The following PTPRD variants were observed in gnomAD, a reference collection of about 807,000 sequenced individuals.
PTPRD encodes receptor-type tyrosine-protein phosphatase delta.
PTPRD carries 34 observed loss-of-function variants against 214.5 expected under a neutral mutation model. The ratio of observed to expected loss-of-function variants is 0.16; its 90% CI spans 0.12 to 0.21. The LOEUF is 0.21. Among genes scored for constraint, PTPRD ranks in the 10% least tolerant of loss-of-function variants. PTPRD has a pLI of 1.00. For missense variants in PTPRD, 2,545 were observed against 2,398.7 expected (o/e 1.06, Z -1.27); for synonymous variants, 1,128 against 845.7 (o/e 1.33, Z -5.79).
intron 5 of PTPRD, among the ~76,000 whole-genome samples, chr9:9,907,449 T>C (rs10978076): frequency 0.076 from 11,514 of 151,906 alleles, 525 homozygotes; most frequent in Non-Finnish European, 0.1. Context: ...GAGGCCTCCC[T>C]TTCTCCACGG....
intron 11 of PTPRD, among the ~76,000 whole-genome samples, chr9:8,898,943 GA>G (rs2098642539): frequency 6.6e-6 from 1 of 152,096 alleles, no homozygotes; most frequent in South Asian, 2.1e-4. Context: ...ATATAACTAG[GA>G]AGGCAAATAG....
At chr9:9,148,944 A>G (rs2099873193) in intron 10 of PTPRD, among the ~76,000 whole-genome samples, 1 of 152,254 alleles carries the variant, frequency 6.6e-6, no homozygotes, top group African/African-American at 2.4e-5. Flanking sequence ...GTATGGTCTT[A>G]GTAGGCTAAT....
At chr9:9,051,213 ATC>A (rs138961876) in intron 10 of PTPRD, among the ~76,000 whole-genome samples, 9,660 of 152,224 alleles carry the variant, frequency 0.063, 326 homozygotes, top group Middle Eastern at 0.12. Context: ...TTACAATTAC[ATC>A]TGTCAATTAA....
chr9:9,752,268 G>T (rs2098527955), intron 6 of PTPRD, among the ~76,000 whole-genome samples: 1 of 152,016 alleles, frequency 6.6e-6, no homozygotes, highest in Non-Finnish European at 1.5e-5. Context: ...AATCTTGCCA[G>T]TTATGCTTTT....
chr9:8,594,578 A>G (rs2154267978), intron 14 of PTPRD, among the ~76,000 whole-genome samples: 1 of 152,196 alleles, frequency 6.6e-6, no homozygotes, highest in South Asian at 2.1e-4. Context: ...AGGTGATTGG[A>G]TCATGGGGGC....
chr9:9,703,492 C>T (rs898516888), intron 7 of PTPRD, among the ~76,000 whole-genome samples: 3 of 152,136 alleles, frequency 2.0e-5, no homozygotes, highest in African/African-American at 7.2e-5. Flanking sequence ...AACGCAGAAA[C>T]TTAGGTTTCA....
intron 9 of PTPRD, among the ~76,000 whole-genome samples, chr9:9,284,487 T>C (rs1450689550): frequency 6.6e-6 from 1 of 151,656 alleles, no homozygotes. Flanking sequence ...CAATATTAAC[T>C]ACTGAAATTC....
intron 11 of PTPRD, among the ~76,000 whole-genome samples, chr9:8,792,103 C>G (rs1005524930): frequency 3.9e-5 from 6 of 152,142 alleles, no homozygotes; most frequent in Non-Finnish European, 8.8e-5. Flanking sequence ...GTCAAAATGA[C>G]CTCGTCAAAT....
At chr9:8,980,747 G>A (rs1187748312) in intron 11 of PTPRD, among the ~76,000 whole-genome samples, 1 of 152,032 alleles carries the variant, frequency 6.6e-6, no homozygotes. Context: ...GAATGATAGA[G>A]GCTAAACTTT....
At chr9:8,825,778 T>G (rs1017271929) in intron 11 of PTPRD, among the ~76,000 whole-genome samples, 1 of 149,662 alleles carries the variant, frequency 6.7e-6, no homozygotes, top group Admixed American at 6.7e-5. Context: ...GGATTATTCA[T>G]GCCTCCCCTT....
At chr9:8,723,660 A>C (rs1213454390) in intron 12 of PTPRD, among the ~76,000 whole-genome samples, 4 of 152,180 alleles carry the variant, frequency 2.6e-5, no homozygotes, top group Non-Finnish European at 5.9e-5. Flanking sequence ...ATCAACCTAA[A>C]ATCACTGTAG....
intron 9 of PTPRD, among the ~76,000 whole-genome samples, chr9:9,227,749 G>A (rs1271636265): frequency 6.6e-6 from 1 of 152,090 alleles, no homozygotes; most frequent in Non-Finnish European, 1.5e-5. Context: ...CACAGGCAGT[G>A]AAGAACGGAC....
intron 2 of PTPRD, among the ~76,000 whole-genome samples, chr9:10,498,515 C>A (rs572950621): frequency 7.9e-5 from 12 of 151,942 alleles, no homozygotes; most frequent in African/African-American, 2.4e-4. Context: ...TCAAATTTCT[C>A]TTTTATTTCA....
At chr9:8,538,403 C>T (rs2077465931) in intron 14 of PTPRD, among the ~76,000 whole-genome samples, 1 of 151,738 alleles carries the variant, frequency 6.6e-6, no homozygotes, top group African/African-American at 2.4e-5. Context: ...TATTTGTTAG[C>T]TTTGTAAAAA....
intron 8 of PTPRD, among the ~76,000 whole-genome samples, chr9:9,471,356 G>A (rs1277271019): frequency 6.6e-6 from 1 of 152,086 alleles, no homozygotes; most frequent in African/African-American, 2.4e-5. Flanking sequence ...ATAGCAATAG[G>A]AGAATTTCTC....
At chr9:9,334,737 G>T (rs1200633180) in intron 9 of PTPRD, among the ~76,000 whole-genome samples, 2 of 151,808 alleles carry the variant, frequency 1.3e-5, no homozygotes, top group Non-Finnish European at 2.9e-5. Flanking sequence ...ATACATATTA[G>T]TGTCTATTAT....
intron 9 of PTPRD, among the ~76,000 whole-genome samples, chr9:9,389,382 T>C (rs1337504207): frequency 2.0e-5 from 3 of 152,140 alleles, no homozygotes; most frequent in Admixed American, 1.3e-4. Flanking sequence ...TGGTGGCACA[T>C]GCCTGTAATC....
At chr9:9,897,701 T>C (rs772640833) in intron 5 of PTPRD, among the ~76,000 whole-genome samples, 1 of 152,016 alleles carries the variant, frequency 6.6e-6, no homozygotes, top group Non-Finnish European at 1.5e-5. Context: ...TACTCAAACA[T>C]AATAATTTTA....
intron 11 of PTPRD, among the ~76,000 whole-genome samples, chr9:8,850,105 A>G (rs915592181): frequency 6.6e-6 from 1 of 152,206 alleles, no homozygotes; most frequent in African/African-American, 2.4e-5. Flanking sequence ...TATGAAGAAA[A>G]GAGAAATAGA....
Sources: gnomAD v4.1 joint callset for allele counts (sites outside exome capture counted in the v4.1 genomes callset) on GRCh38, gnomAD v4.1.1 for gene constraint, MANE v1.5 for transcripts, NCBI Gene and HGNC (gene_info 2026-07-23, HGNC 2026-07-21) for gene names.